Variants in ABTB3 observed in about 807,000 individuals in gnomAD.
ABTB3 encodes ankyrin repeat and BTB domain containing 3, also known as ankyrin repeat- and BTB/POZ domain-containing protein 3.
At chr12:107,440,267 G>T in the ABTB3 span, among the ~76,000 whole-genome samples, 7 of 152,176 alleles carry the variant, frequency 4.6e-5, no homozygotes, top group South Asian at 1.4e-3. Context: ...CCCTCTCCAG[G>T]TTCACACCTT....
At chr12:107,410,014 G>A in the ABTB3 span, among the ~76,000 whole-genome samples, 1 of 152,072 alleles carries the variant, frequency 6.6e-6, no homozygotes, top group Non-Finnish European at 1.5e-5. Context: ...TTGAGCAACT[G>A]AACACGTTGC....
chr12:107,359,485 C>T, the ABTB3 span, among the ~76,000 whole-genome samples: 5 of 152,238 alleles, frequency 3.3e-5, no homozygotes, highest in Admixed American at 3.3e-4. Flanking sequence ...TGTGCTGGCT[C>T]CAAAGGGAGC....
At chr12:107,569,764 A>C in the ABTB3 span, among the ~76,000 whole-genome samples, 1 of 152,266 alleles carries the variant, frequency 6.6e-6, no homozygotes, top group Non-Finnish European at 1.5e-5. Context: ...GTGTTTAAAC[A>C]AGATAGAAGT....
the ABTB3 span, among the ~76,000 whole-genome samples, chr12:107,592,896 T>G: frequency 6.6e-6 from 1 of 152,196 alleles, no homozygotes; most frequent in Non-Finnish European, 1.5e-5. Context: ...TTACTCTATA[T>G]TTTATGTGTG....
At chr12:107,428,569 C>T in the ABTB3 span, among the ~76,000 whole-genome samples, 1 of 152,180 alleles carries the variant, frequency 6.6e-6, no homozygotes, top group East Asian at 1.9e-4. Context: ...CTCAGAGGGT[C>T]CCAGCAAGAC....
At chr12:107,603,540 C>A in the ABTB3 span, among the ~76,000 whole-genome samples, 1 of 152,166 alleles carries the variant, frequency 6.6e-6, no homozygotes, top group Non-Finnish European at 1.5e-5. Context: ...TGAAATTAGA[C>A]CCTTATGGCA....
the ABTB3 span, among the ~76,000 whole-genome samples, chr12:107,623,665 C>T: frequency 1.3e-5 from 2 of 152,266 alleles, no homozygotes; most frequent in African/African-American, 4.8e-5. Flanking sequence ...CCACATCCGG[C>T]CTCTAGCTTA....
the ABTB3 span, among the ~76,000 whole-genome samples, chr12:107,626,238 A>G: frequency 7.8e-4 from 119 of 152,030 alleles, no homozygotes; most frequent in African/African-American, 2.8e-3. Context: ...TTTTAGTTGC[A>G]CTTTGCAAAA....
chr12:107,384,461 T>C, the ABTB3 span, among the ~76,000 whole-genome samples: 1 of 152,192 alleles, frequency 6.6e-6, no homozygotes, highest in African/African-American at 2.4e-5. Flanking sequence ...GTTTCTTTGT[T>C]CCCTAAGTGC....
At chr12:107,482,376 G>A in the ABTB3 span, among the ~76,000 whole-genome samples, 59 of 152,300 alleles carry the variant, frequency 3.9e-4, no homozygotes, top group African/African-American at 1.3e-3. Flanking sequence ...AGACCTGGGA[G>A]CCAGCCACCC....
the ABTB3 span, among the ~76,000 whole-genome samples, chr12:107,414,315 A>G: frequency 6.6e-6 from 1 of 152,166 alleles, no homozygotes; most frequent in South Asian, 2.1e-4. Flanking sequence ...GTGCCATTCT[A>G]CAGAACGTGA....
At chr12:107,520,610 C>T in the ABTB3 span, 9 of 1,614,082 alleles carry the variant, frequency 5.6e-6, no homozygotes, top group Non-Finnish European at 7.6e-6. Context: ...TTGCTGGCCA[C>T]GCGCGTAGGC....
At chr12:107,626,143 A>C in the ABTB3 span, among the ~76,000 whole-genome samples, 2 of 152,152 alleles carry the variant, frequency 1.3e-5, no homozygotes, top group Non-Finnish European at 2.9e-5. Flanking sequence ...CTGCTCCTCC[A>C]GTCCCAAACT....
the ABTB3 span, among the ~76,000 whole-genome samples, chr12:107,357,006 G>A: frequency 2.6e-5 from 4 of 152,226 alleles, no homozygotes; most frequent in Admixed American, 2.0e-4. Context: ...AAGGTTAGCT[G>A]TAATACAAAG....
At chr12:107,505,897 GC>G in the ABTB3 span, among the ~76,000 whole-genome samples, 4 of 152,132 alleles carry the variant, frequency 2.6e-5, no homozygotes, top group Admixed American at 2.6e-4. Context: ...ATTCCATGGT[GC>G]ATATATGTAC....
At chr12:107,608,893 TAAATAAAATAAAATAAAATAAAATA>T in the ABTB3 span, among the ~76,000 whole-genome samples, 4 of 84,280 alleles carry the variant, frequency 4.7e-5, no homozygotes, top group African/African-American at 1.1e-4. Context: ...TAAAATAAAA[TAAATAAAATAAAATAAAATAAAATA>T]AAATAAAATA....
the ABTB3 span, among the ~76,000 whole-genome samples, chr12:107,421,334 T>G: frequency 6.6e-6 from 1 of 152,196 alleles, no homozygotes; most frequent in Non-Finnish European, 1.5e-5. Flanking sequence ...GGATTTCCTT[T>G]AAATACCCAC....
the ABTB3 span, among the ~76,000 whole-genome samples, chr12:107,381,090 C>CG: frequency 2.0e-5 from 1 of 49,622 alleles, no homozygotes; most frequent in East Asian, 2.3e-3. Context: ...ACACTACCCA[C>CG]CCCCCATCAT....
At chr12:107,536,980 T>A in the ABTB3 span, among the ~76,000 whole-genome samples, 1 of 152,170 alleles carries the variant, frequency 6.6e-6, no homozygotes, top group Non-Finnish European at 1.5e-5. Flanking sequence ...CAACCTATGA[T>A]GAATTCATCA....
Sources: allele counts gnomAD v4.1 joint callset (sites outside exome capture counted in the v4.1 genomes callset), GRCh38; gene constraint gnomAD v4.1.1; transcripts MANE v1.5; gene names NCBI Gene and HGNC (gene_info 2026-07-23, HGNC 2026-07-21).